The following MTA1 variants were observed in gnomAD, a reference collection of about 807,000 sequenced individuals.
MTA1 encodes metastasis associated 1.
In MTA1, 15 loss-of-function variants were observed where a neutral mutation model predicts 97.0. The ratio of observed to expected loss-of-function variants is 0.15; its 90% CI spans 0.10 to 0.24. The LOEUF is 0.24. Among genes scored for constraint, MTA1 ranks in the 10% least tolerant of loss-of-function variants. The pLI, the probability that MTA1 is intolerant of heterozygous loss-of-function variation, is 1.00. For missense variants in MTA1, 709 were observed against 1,015.1 expected (o/e 0.70, Z 4.10); for synonymous variants, 435 against 417.5 (o/e 1.04, Z -0.51).
rs782568285 is a variant in MTA1 at position 105,470,170 on chromosome 14, G to A, written c.2103G>A (p.Pro701=). The change falls in exon 21 of 21, where the codon CCG becomes CCA. Residue 701 remains proline, a synonymous_variant. Coordinates refer to ENST00000331320, the MANE Select transcript of MTA1 (RefSeq NM_004689.4). Reference sequence around the variant, plus strand: ...GCCAGGCCCTGCCGCCGCGGCCACCGCCACCTGCGCCCGTCAACGACGAGC... The same window carrying A: ...GCCAGGCCCTGCCGCCGCGGCCACCACCACCTGCGCCCGTCAACGACGAGC... ...RQSQALPPRP[P]PPAPVNDEPI... is the part of the protein sequence containing the mutation. The A allele has an allele frequency of 9.9e-6, 16 of 1,608,834 alleles. 1 individual carries two copies. Among genetic ancestry groups the A allele is most frequent in the South Asian group, 3.3e-5 (3 of 90,906 alleles).
In MTA1 at chr14:105,424,784, C is replaced by T. The variant is rs1377806234; in HGVS notation, c.28+4721C>T. On this transcript the variant is annotated intron_variant, in intron 1 of 20. Coordinates refer to ENST00000331320, the MANE Select transcript of MTA1 (RefSeq NM_004689.4). This position sits in a 1 kb window ranked among gnomAD's most constrained non-coding sequence, Gnocchi z 4.0. ...GTGCTGGGATTACAGGCGTGAGCCA[C>T]GGTGCCTGGCCCCATATTGTTCTGA... 2.0e-5 allele frequency among the ~76,000 whole-genome samples: 3 copies of T among 152,244 alleles called. No individual in the cohort carries two copies. The highest frequency in any genetic ancestry group is 4.4e-5 in the Non-Finnish European group (3 of 68,044).
rs1555434282 is a variant in MTA1, at chr14:105,470,261, A to AGC, written c.*46_*47insGC. 7.7e-6 allele frequency: 9 copies of AGC among 1,172,148 alleles called. No homozygotes were observed. Among genetic ancestry groups the AGC allele is most frequent in the Non-Finnish European group, 6.3e-6 (6 of 955,586 alleles). The allele number at this position is 1,172,148 out of a possible 1,614,324, so 72.6% of individuals were successfully genotyped here. ...CGCCCCCCGCCCCTCGCCCGCCCAC[A>AGC]CGGCCCCTTCCCAGCCAGCCCGCCG... On this transcript the variant is annotated 3_prime_UTR_variant, in exon 21 of 21. Coordinates refer to ENST00000331320, the MANE Select transcript of MTA1 (RefSeq NM_004689.4).
chr14:105,460,984 G>C (rs376964000), intron 10 of MTA1, 31 bp downstream of exon 10: 368 of 1,587,846 alleles, frequency 2.3e-4, no homozygotes, highest in Non-Finnish European at 2.9e-4. Flanking sequence ...TGGGGGAGTG[G>C]CTGGCCATGC....
Position 105,460,420 on chromosome 14 carries a change from A to C in MTA1, c.716A>C (p.His239Pro), listed in dbSNP as rs782721748. The change falls in exon 9 of 21, where the codon CAC becomes CCC. Residue 239 changes from histidine (H) to proline (P), a missense_variant. Physicochemically the swap from His to Pro is moderately conservative, Grantham distance 77 (BLOSUM62 -2). This residue lies in a region of MTA1 where 321 missense variants were observed against 593.5 expected (regional missense o/e 0.54). Transcript: ENST00000331320. ...CSSSVRQPSL[H>P]MSAAAASRDI... ...AGCTCCGTCCGACAGCCCAGCCTGC[A>C]CATGAGCGCCGCAGCTGCCTCCCGA... 1 of 1,611,666 alleles carries C rather than the reference A, an allele frequency of 6.2e-7. No individual in the cohort carries two copies. Among genetic ancestry groups the C allele is most frequent in the Non-Finnish European group, 8.5e-7 (1 of 1,179,448 alleles).
At position 105,464,411 on chromosome 14, in the gene MTA1, C is replaced by T. The variant is rs781992593; in HGVS notation, c.1193-5C>T. 4 of 1,612,480 alleles carry T rather than the reference C, an allele frequency of 2.5e-6. No individual in the cohort carries two copies. The highest frequency in any genetic ancestry group is 1.7e-5 in the Admixed American group (1 of 59,990). ...TCCGTCTATTTCCAACTTTGTTGTC[C>T]GTAGCCACACAGTCTTACCAGTGGT... On this transcript the variant is annotated splice_polypyrimidine_tract_variant and splice_region_variant and intron_variant, in intron 13 of 20. Transcript: ENST00000331320.
chr14:105,444,752 C>T (rs2141532142), intron 2 of MTA1, among the ~76,000 whole-genome samples: 1 of 150,140 alleles, frequency 6.7e-6, no homozygotes, highest in South Asian at 2.1e-4. Context: ...GATCACAACA[C>T]TGCACTCCAG....
intron 18 of MTA1, chr14:105,467,925 T>C (rs968652684): frequency 4.9e-5 from 12 of 244,116 alleles, no homozygotes; most frequent in Non-Finnish European, 9.8e-5. Flanking sequence ...TCCCACTGAA[T>C]TTTCCACACC....
Position 105,420,032 on chromosome 14 carries a change from G to A in MTA1, c.-4G>A, listed in dbSNP as rs1393280877. 2 of 1,069,762 alleles carry A rather than the reference G, an allele frequency of 1.9e-6. No individual in the cohort carries two copies. Among genetic ancestry groups the A allele is most frequent in the Non-Finnish European group, 2.3e-6 (2 of 877,892 alleles). The allele number at this position is 1,069,762 out of a possible 1,614,324, so 66.3% of individuals were successfully genotyped here. ...CGGGCCCCTCCGCCGCCGCCGGCCC[G>A]GACATGGCCGCCAACATGTACAGGG... On this transcript the variant is annotated 5_prime_UTR_variant, in exon 1 of 21. Transcript: ENST00000331320. This position sits in a 1 kb window ranked among gnomAD's most constrained non-coding sequence, Gnocchi z 5.3.
intron 16 of MTA1, chr14:105,466,207 G>T (rs9671696): frequency 5.1e-6 from 3 of 582,680 alleles, no homozygotes; most frequent in Non-Finnish European, 9.2e-6. Context: ...CCTGGGGTGC[G>T]GGACTGGCCC....
intron 10 of MTA1, among the ~76,000 whole-genome samples, chr14:105,461,836 C>T (rs913402057): frequency 5.3e-5 from 8 of 152,040 alleles, no homozygotes; most frequent in Non-Finnish European, 1.0e-4. Flanking sequence ...CTTGGCCGGG[C>T]GGGAGGAGTC....
chr14:105,437,175 A>G (rs868965405), intron 1 of MTA1, among the ~76,000 whole-genome samples: 10 of 152,258 alleles, frequency 6.6e-5, no homozygotes, highest in African/African-American at 2.4e-4. Flanking sequence ...GTGACTTTGC[A>G]CATGGGTGCC....
chr14:105,427,056 C>T (rs896198482), intron 1 of MTA1, among the ~76,000 whole-genome samples: 8 of 152,214 alleles, frequency 5.3e-5, no homozygotes, highest in African/African-American at 1.2e-4. Flanking sequence ...GCAGGGACCA[C>T]GGGCACCGCC....
intron 1 of MTA1, among the ~76,000 whole-genome samples, chr14:105,433,148 C>G (rs780411429): frequency 6.6e-6 from 1 of 152,114 alleles, no homozygotes; most frequent in Admixed American, 6.5e-5. Context: ...GCACAGGGGC[C>G]GGGCTCAGGA....
At chr14:105,468,110 G>C in intron 18 of MTA1, 1 of 365,738 alleles carries the variant, frequency 2.7e-6, no homozygotes, top group Non-Finnish European at 5.5e-6. Context: ...CGGCTCCCGG[G>C]GGCACTGGCG....
Position 105,420,147 on chromosome 14 carries a change from C to T in MTA1, c.28+84C>T. ...CGCTGCCGCCTCCCCCGCCCCTCTG[C>T]CCCGCAGGCCCCGCGCCCCCCGCCC... On this transcript the variant is annotated intron_variant, in intron 1 of 20. Transcript: ENST00000331320. This position sits in a 1 kb window ranked among gnomAD's most constrained non-coding sequence, Gnocchi z 5.3. 3.0e-6 allele frequency: 2 copies of T among 660,996 alleles called. No individual in the cohort carries two copies. Among genetic ancestry groups the T allele is most frequent in the Non-Finnish European group, 3.8e-6 (2 of 531,568 alleles). The allele number at this position is 660,996 out of a possible 1,614,324, so 40.9% of individuals were successfully genotyped here.
At chr14:105,443,238 A>G (rs1215996287) in intron 2 of MTA1, among the ~76,000 whole-genome samples, 2 of 152,198 alleles carry the variant, frequency 1.3e-5, no homozygotes, top group African/African-American at 2.4e-5. Flanking sequence ...GGTTCACACC[A>G]CCATAGTGAG....
At chr14:105,449,313 A>G in intron 3 of MTA1, 46 bp from the exon 4 acceptor site, 3 of 1,595,242 alleles carry the variant, frequency 1.9e-6, no homozygotes, top group Non-Finnish European at 1.7e-6. Flanking sequence ...GCAGGCCGCC[A>G]CCCTGTGCTG....
At chr14:105,461,027 C>T in intron 10 of MTA1, 74 bp downstream of exon 10, 3 of 1,451,624 alleles carry the variant, frequency 2.1e-6, no homozygotes, top group South Asian at 2.6e-5. Context: ...GGTGTGGGCT[C>T]CACATCCCAC....
Position 105,460,760 on chromosome 14 carries a change from C to T in MTA1, c.754-5C>T, listed in dbSNP as rs782370812. The T allele has an allele frequency of 1.6e-5, 25 of 1,567,198 alleles. No homozygotes were observed. The highest frequency in any genetic ancestry group is 7.4e-5 in the Admixed American group (4 of 54,068). ...CCCGGGTGACCCTGCTGTCTCCTGC[C>T]GCAGTTCCACGCCATGGATACTCTC... On this transcript the variant is annotated splice_region_variant and splice_polypyrimidine_tract_variant and intron_variant, in intron 9 of 20. Transcript: ENST00000331320.
Sources: gnomAD v4.1 joint callset for allele counts (sites outside exome capture counted in the v4.1 genomes callset) on GRCh38, gnomAD v4.1.1 for gene constraint, gnomAD v4.1.1 regional missense constraint, Gnocchi (gnomAD v3.1) non-coding constraint, MANE v1.5 for transcripts, NCBI Gene and HGNC (gene_info 2026-07-23, HGNC 2026-07-21) for gene names.